Variants in FCHSD2 observed in about 807,000 individuals in gnomAD.
The protein encoded by FCHSD2 is F-BAR and double SH3 domains protein 2.
Under a neutral mutation model 108.1 loss-of-function variants are expected in FCHSD2, and 38 were observed. That is an observed-to-expected ratio of 0.35 (90% CI 0.27 to 0.46). The LOEUF (loss-of-function observed/expected upper bound fraction) is 0.46, where lower values mean the gene tolerates loss of function less well. Among genes scored for constraint, FCHSD2 ranks in the 20% least tolerant of loss-of-function variants. The pLI, the probability that FCHSD2 is intolerant of heterozygous loss-of-function variation, is 1.00. For missense variants in FCHSD2, 751 were observed against 897.8 expected (o/e 0.84, Z 2.09); for synonymous variants, 279 against 314.7 (o/e 0.89, Z 1.20).
chr11:73,045,180 C>A (rs1383100403), intron 3 of FCHSD2, among the ~76,000 whole-genome samples: 2 of 152,158 alleles, frequency 1.3e-5, no homozygotes, highest in African/African-American at 4.8e-5. Flanking sequence ...CTCATCATCA[C>A]TGGCCATCAG....
At chr11:72,857,532 G>A (rs1186989429) in intron 13 of FCHSD2, among the ~76,000 whole-genome samples, 1 of 148,548 alleles carries the variant, frequency 6.7e-6, no homozygotes, top group African/African-American at 2.5e-5. Context: ...TCTGCCTCTT[G>A]GGTTCAAGCG....
At chr11:73,010,796 T>C (rs930655505) in intron 4 of FCHSD2, among the ~76,000 whole-genome samples, 2 of 152,228 alleles carry the variant, frequency 1.3e-5, no homozygotes, top group Non-Finnish European at 2.9e-5. Flanking sequence ...TTGGCACTAG[T>C]AGTCCAGGTG....
intron 3 of FCHSD2, among the ~76,000 whole-genome samples, chr11:73,035,967 C>T (rs1374670162): frequency 6.6e-6 from 1 of 152,122 alleles, no homozygotes; most frequent in Non-Finnish European, 1.5e-5. Flanking sequence ...GATCCGCCTA[C>T]CTCAGCCTCC....
At chr11:72,853,502 C>T (rs961299333) in intron 13 of FCHSD2, among the ~76,000 whole-genome samples, 2 of 152,018 alleles carry the variant, frequency 1.3e-5, no homozygotes, top group Admixed American at 6.6e-5. Context: ...GCAACCTCCG[C>T]CTGCCAGGTT....
chr11:72,982,130 T>C (rs961267575), intron 8 of FCHSD2, among the ~76,000 whole-genome samples: 3 of 152,154 alleles, frequency 2.0e-5, no homozygotes, highest in African/African-American at 7.2e-5. Flanking sequence ...CAACAGAAGC[T>C]AGGAAAAGGG....
chr11:73,025,236 C>A (rs1289156634), intron 3 of FCHSD2, among the ~76,000 whole-genome samples: 1 of 152,118 alleles, frequency 6.6e-6, no homozygotes, highest in Admixed American at 6.5e-5. Flanking sequence ...ATGGAATCAA[C>A]CTAAACGCCC....
intron 8 of FCHSD2, among the ~76,000 whole-genome samples, chr11:72,950,325 CAA>C (rs968564195): frequency 7.9e-5 from 12 of 152,076 alleles, no homozygotes; most frequent in African/African-American, 2.9e-4. Context: ...CTTTGATACA[CAA>C]AAGTTTTTAT....
intron 13 of FCHSD2, among the ~76,000 whole-genome samples, 168 bp from the exon 14 acceptor site, chr11:72,850,057 GTTTTTTTTTT>G (rs10579880): frequency 1.2e-5 from 1 of 85,498 alleles, no homozygotes; most frequent in African/African-American, 4.7e-5. Flanking sequence ...AAAGAATAGA[GTTTTTTTTTT>G]TTTTTTTTTT....
At chr11:73,118,214 G>A (rs1052524131) in intron 2 of FCHSD2, among the ~76,000 whole-genome samples, 1 of 152,152 alleles carries the variant, frequency 6.6e-6, no homozygotes, top group Non-Finnish European at 1.5e-5. Flanking sequence ...AGCAACTTGG[G>A]AGGCTGAGGC....
intron 3 of FCHSD2, among the ~76,000 whole-genome samples, chr11:73,067,015 CTATAAAGACACATGCACACGTATGT>C (rs1859309824): frequency 6.6e-6 from 1 of 152,158 alleles, no homozygotes; most frequent in Non-Finnish European, 1.5e-5. Context: ...AATCATTCTA[CTATAAAGACACATGCACACGTATGT>C]TTATTCCGGC....
chr11:73,069,536 C>A (rs1171387442), intron 3 of FCHSD2, among the ~76,000 whole-genome samples: 1 of 151,738 alleles, frequency 6.6e-6, no homozygotes, highest in African/African-American at 2.4e-5. Flanking sequence ...AGATAAAACC[C>A]TCAAATAGAC....
At chr11:72,988,000 C>G (rs988727968) in intron 6 of FCHSD2, among the ~76,000 whole-genome samples, 3 of 152,218 alleles carry the variant, frequency 2.0e-5, no homozygotes, top group Non-Finnish European at 4.4e-5. Context: ...TCAAGTCCTT[C>G]ATGAATACTC....
intron 3 of FCHSD2, among the ~76,000 whole-genome samples, chr11:73,057,077 C>T (rs774360768): frequency 2.0e-5 from 3 of 151,742 alleles, no homozygotes; most frequent in East Asian, 1.9e-4. Flanking sequence ...AGCAAGACTC[C>T]GACTCAAAAA....
intron 11 of FCHSD2, among the ~76,000 whole-genome samples, chr11:72,888,366 T>C (rs1259789359): frequency 6.6e-6 from 1 of 152,170 alleles, no homozygotes; most frequent in Non-Finnish European, 1.5e-5. Flanking sequence ...ACAGACATCA[T>C]TGGCGATTTT....
intron 18 of FCHSD2, 85 bp downstream of exon 18, chr11:72,841,369 A>AAAAAAT: frequency 8.5e-7 from 1 of 1,169,950 alleles, no homozygotes; most frequent in East Asian, 2.8e-5. Context: ...AAAAAAGCAA[A>AAAAAAT]TGCAGTTTTT....
intron 2 of FCHSD2, among the ~76,000 whole-genome samples, chr11:73,119,458 A>C (rs1341557030): frequency 6.6e-6 from 1 of 152,174 alleles, no homozygotes; most frequent in Non-Finnish European, 1.5e-5. Context: ...ATCTCCTACT[A>C]TGATGACAGA....
At chr11:72,842,327 T>C (rs895511070) in intron 17 of FCHSD2, among the ~76,000 whole-genome samples, 2 of 152,270 alleles carry the variant, frequency 1.3e-5, no homozygotes, top group African/African-American at 4.8e-5. Flanking sequence ...GGTTTGTTTC[T>C]TTCTCTCCAC....
At chr11:73,088,026 C>T (rs1395852897) in intron 2 of FCHSD2, among the ~76,000 whole-genome samples, 1 of 152,178 alleles carries the variant, frequency 6.6e-6, no homozygotes, top group Non-Finnish European at 1.5e-5. Flanking sequence ...ACTACAGGCA[C>T]ATGCCACCAC....
Position 73,105,169 on chromosome 11 carries a change from C to T in FCHSD2, c.120-21429G>A, listed in dbSNP as rs1221118796. Among the ~76,000 whole-genome samples the T allele has an allele frequency of 2.0e-5, 3 of 152,250 alleles. No homozygotes were observed. The East Asian group carries it at 5.8e-4, about 29-fold the overall frequency. On this transcript the variant is annotated intron_variant, in intron 2 of 19. Coordinates refer to ENST00000409418, the MANE Select transcript of FCHSD2 (RefSeq NM_014824.3). ...CAATTAAAAGACACACATAAAATTG[C>T]TACTAAGTAGCTCTGGTTAGGTGGG... is the stretch of plus-strand genomic sequence containing the variant.
Sources: allele counts gnomAD v4.1 joint callset (sites outside exome capture counted in the v4.1 genomes callset), GRCh38; gene constraint gnomAD v4.1.1; transcripts MANE v1.5; gene names NCBI Gene and HGNC (gene_info 2026-07-23, HGNC 2026-07-21).